IQCH: variants seen among roughly 807,000 people sequenced by gnomAD.
The protein encoded by IQCH is IQ motif containing H, also known as IQ domain-containing protein H.
IQCH carries 98 observed loss-of-function variants against 117.0 expected under a neutral mutation model. The observed-to-expected ratio is 0.84, with a 90% CI of 0.71 to 0.99. IQCH has a LOEUF of 0.99. IQCH is among the 50% of genes least tolerant of loss of function. The pLI, the probability that IQCH is intolerant of heterozygous loss-of-function variation, is 0.00. For missense variants in IQCH, 1,102 were observed against 1,243.8 expected (o/e 0.89, Z 1.72); for synonymous variants, 412 against 448.2 (o/e 0.92, Z 1.02).
intron 3 of IQCH, among the ~76,000 whole-genome samples, chr15:67,265,319 G>A (rs1288230716): frequency 6.6e-6 from 1 of 152,234 alleles, no homozygotes; most frequent in Non-Finnish European, 1.5e-5. Context: ...CTGGAAGAGT[G>A]AAGGAAGACA....
At chr15:67,307,753 A>G (rs1967373637) in intron 4 of IQCH, among the ~76,000 whole-genome samples, 2 of 152,288 alleles carry the variant, frequency 1.3e-5, no homozygotes, top group South Asian at 4.1e-4. Context: ...AAAGGGAATA[A>G]TTGCTGAGAT....
At chr15:67,495,732 T>G (rs2083787185) in intron 20 of IQCH, among the ~76,000 whole-genome samples, 1 of 152,262 alleles carries the variant, frequency 6.6e-6, no homozygotes, top group East Asian at 1.9e-4. Flanking sequence ...TTCTCTGCCC[T>G]TTCTCTGACT....
intron 4 of IQCH, chr15:67,304,493 T>G (rs1159542397): frequency 9.7e-7 from 1 of 1,029,220 alleles, no homozygotes; most frequent in African/African-American, 1.6e-5. Flanking sequence ...CTTATTTTTT[T>G]AAGAAATAAA....
intron 16 of IQCH, among the ~76,000 whole-genome samples, chr15:67,439,888 CAAAA>C (rs201813482): frequency 2.4e-5 from 2 of 83,962 alleles, no homozygotes; most frequent in African/African-American, 3.8e-5. Flanking sequence ...AACTCCGTCT[CAAAA>C]AAAAAAAAAA....
chr15:67,354,368 A>G (rs1969797179), intron 6 of IQCH, among the ~76,000 whole-genome samples: 1 of 152,146 alleles, frequency 6.6e-6, no homozygotes, highest in Admixed American at 6.5e-5. Flanking sequence ...TACCAAAAGA[A>G]AAAAAAATCA....
rs1179777976 is a variant in IQCH at position 67,404,651 on chromosome 15, A to G, written c.2097+4346A>G. 1 of 152,212 alleles carries G rather than the reference A, an allele frequency of 6.6e-6. No individual in the cohort carries two copies. The highest frequency in any genetic ancestry group is 1.5e-5 in the Non-Finnish European group (1 of 68,040). 9.4% of individuals were successfully genotyped at this position (152,212 alleles called of 1,614,324 possible). A position where few individuals can be genotyped will look rare whatever the true frequency, so the allele number is the denominator to read the frequency against. On this transcript the variant is annotated intron_variant, in intron 14 of 20. Coordinates refer to ENST00000335894, the MANE Select transcript of IQCH (RefSeq NM_001031715.3). The surrounding 1 kb of genome is among the most constrained non-coding windows in gnomAD (Gnocchi z 4.6). The stretch of plus-strand genomic sequence containing the variant: ...ATAGTGTATATGCTAGTTAAACATC[A>G]GATCTTAAATATTTTCCATGTTTAT...
chr15:67,492,300 T>C (rs939335919), intron 19 of IQCH, among the ~76,000 whole-genome samples: 3 of 152,188 alleles, frequency 2.0e-5, no homozygotes, highest in African/African-American at 7.2e-5. Flanking sequence ...AGATATGAAC[T>C]GTGTCTTACT....
rs139299544 is a variant in IQCH at position 67,434,784 on chromosome 15, TC to T, written c.2505+13208del. ...TTATCTTTTGTCTTTTCTTTTCTTT[TC>T]TTTTTTTTTTTTTTTTGAGACGGAG... On this transcript the variant is annotated intron_variant, in intron 16 of 20. Transcript: ENST00000335894. Among the ~76,000 whole-genome samples the T allele has an allele frequency of 3.0e-4, 42 of 138,184 alleles. 1 individual carries two copies. The South Asian group carries it at 4.3e-3, about 14-fold the overall frequency. 90.7% of individuals were successfully genotyped at this position (138,184 alleles called of 152,430 possible).
chr15:67,401,991 C>A lies in IQCH; in HGVS notation c.2097+1686C>A, dbSNP rs1213859593. 6.6e-6 allele frequency among the ~76,000 whole-genome samples: 1 copy of A among 151,916 alleles called. No homozygotes were observed. The highest frequency in any genetic ancestry group is 1.5e-5 in the Non-Finnish European group (1 of 67,992). Reference sequence around the variant, plus strand: ...ATTTGTTGGCTTCAGTATTTCAAACCAATAATTTTTAAAGAATTCTCTTGA... The same window carrying A: ...ATTTGTTGGCTTCAGTATTTCAAACAAATAATTTTTAAAGAATTCTCTTGA... On this transcript the variant is annotated intron_variant, in intron 14 of 20. Transcript: ENST00000335894. The surrounding 1 kb of genome is among the most constrained non-coding windows in gnomAD (Gnocchi z 4.7).
Position 67,320,876 on chromosome 15 carries a change from T to A in IQCH, c.388-16099T>A, listed in dbSNP as rs565889070. Among the ~76,000 whole-genome samples the A allele has an allele frequency of 9.5e-4, 145 of 152,308 alleles. 1 individual carries two copies. In the Middle Eastern group the frequency reaches 0.014, roughly 14 times the overall value. On this transcript the variant is annotated intron_variant, in intron 4 of 20. Coordinates refer to ENST00000335894, the MANE Select transcript of IQCH (RefSeq NM_001031715.3). Reference sequence around the variant, plus strand: ...AAATTGGGAAACATGAGGTTAAAGATAGTCAGACTGATTTTTATACCATTA... The same window carrying A: ...AAATTGGGAAACATGAGGTTAAAGAAAGTCAGACTGATTTTTATACCATTA...
rs973575982 is a variant in IQCH at position 67,474,109 on chromosome 15, G to A, written c.2677-1587G>A. Among the ~76,000 whole-genome samples the A allele has an allele frequency of 2.3e-5, 3 of 131,442 alleles. No homozygotes were observed. The highest frequency in any genetic ancestry group is 8.4e-5 in the African/African-American group (3 of 35,626). 86.2% of individuals were successfully genotyped at this position (131,442 alleles called of 152,430 possible). Reference sequence around the variant, plus strand: ...GTGTGTGTGTGTGTGTGTGTGGAGAGGGAGAGAGGGATGCAGGAGAGGAAA... The same window carrying A: ...GTGTGTGTGTGTGTGTGTGTGGAGAAGGAGAGAGGGATGCAGGAGAGGAAA... On this transcript the variant is annotated intron_variant, in intron 17 of 20. Coordinates refer to ENST00000335894, the MANE Select transcript of IQCH (RefSeq NM_001031715.3). This position sits in a 1 kb window ranked among gnomAD's most constrained non-coding sequence, Gnocchi z 4.1.
intron 6 of IQCH, among the ~76,000 whole-genome samples, chr15:67,350,170 T>G (rs1001747587): frequency 6.6e-6 from 1 of 152,190 alleles, no homozygotes; most frequent in Non-Finnish European, 1.5e-5. Flanking sequence ...ATCCATACAA[T>G]GGAGTACAGC....
intron 4 of IQCH, among the ~76,000 whole-genome samples, chr15:67,315,637 T>C (rs554702699): frequency 4.3e-4 from 65 of 152,318 alleles, no homozygotes; most frequent in East Asian, 4.2e-3. Context: ...CTATCTGATA[T>C]TAGAGCCTGT....
At position 67,439,407 on chromosome 15, in the gene IQCH, A is replaced by G. The variant is rs2082210325; in HGVS notation, c.2505+17830A>G. On this transcript the variant is annotated intron_variant, in intron 16 of 20. Transcript: ENST00000335894. ...AAAACCTCTGGGATACAGCAAAGGCAGTGCTAAGAGGAAAATTTATAGCCG... is the reference window on the plus strand; with the variant it reads ...AAAACCTCTGGGATACAGCAAAGGCGGTGCTAAGAGGAAAATTTATAGCCG... 1.3e-5 allele frequency among the ~76,000 whole-genome samples: 2 copies of G among 152,194 alleles called. 1 individual carries two copies. The highest frequency in any genetic ancestry group is 4.1e-4 in the South Asian group (2 of 4,834).
rs187584681 is a variant in IQCH at position 67,481,225 on chromosome 15, C to T, written c.2799+5407C>T. 1.6e-4 allele frequency among the ~76,000 whole-genome samples: 24 copies of T among 152,238 alleles called. No homozygotes were observed. Among genetic ancestry groups the T allele is most frequent in the African/African-American group, 5.1e-4 (21 of 41,546 alleles). ...GTTCTCATGCTGCTATAAAGAAATACCCAAGACTGGGTAATTTATAAAAGA... is the reference window on the plus strand; with the variant it reads ...GTTCTCATGCTGCTATAAAGAAATATCCAAGACTGGGTAATTTATAAAAGA... On this transcript the variant is annotated intron_variant, in intron 18 of 20. Coordinates refer to ENST00000335894, the MANE Select transcript of IQCH (RefSeq NM_001031715.3). The surrounding 1 kb of genome is among the most constrained non-coding windows in gnomAD (Gnocchi z 4.1).
chr15:67,328,344 T>G (rs1465583772), intron 4 of IQCH, among the ~76,000 whole-genome samples: 1 of 152,236 alleles, frequency 6.6e-6, no homozygotes, highest in East Asian at 1.9e-4. Flanking sequence ...CTTAAGTGAT[T>G]ATTTTTTAAA....
chr15:67,265,109 C>T (rs926856235), intron 3 of IQCH, among the ~76,000 whole-genome samples: 2 of 152,272 alleles, frequency 1.3e-5, no homozygotes, highest in African/African-American at 4.8e-5. Context: ...TCAAGTTCTA[C>T]TGTCTCTGTC....
At chr15:67,400,889 T>A (rs1222394492) in intron 14 of IQCH, among the ~76,000 whole-genome samples, 5 of 152,186 alleles carry the variant, frequency 3.3e-5, no homozygotes, top group African/African-American at 1.2e-4. Context: ...TTTATCACAT[T>A]CAGGTAACAT....
intron 10 of IQCH, among the ~76,000 whole-genome samples, chr15:67,382,746 A>T (rs1970976905): frequency 6.6e-6 from 1 of 152,206 alleles, no homozygotes; most frequent in African/African-American, 2.4e-5. Flanking sequence ...GACAGGATTG[A>T]GGTTGATAGT....
Sources: gnomAD v4.1 joint callset for allele counts (sites outside exome capture counted in the v4.1 genomes callset) on GRCh38, gnomAD v4.1.1 for gene constraint, Gnocchi (gnomAD v3.1) non-coding constraint, MANE v1.5 for transcripts, NCBI Gene and HGNC (gene_info 2026-07-23, HGNC 2026-07-21) for gene names.